RNF17: variants seen among roughly 807,000 people sequenced by gnomAD.
RNF17 encodes the protein ring finger protein 17.
RNF17 carries 31 observed loss-of-function variants against 200.5 expected under a neutral mutation model. That is an observed-to-expected ratio of 0.15 (90% CI 0.12 to 0.21). The LOEUF (loss-of-function observed/expected upper bound fraction) is 0.21, where lower values mean the gene tolerates loss of function less well. Among genes scored for constraint, RNF17 ranks in the 10% least tolerant of loss-of-function variants. RNF17 has a pLI of 1.00. For missense variants in RNF17, 1,628 were observed against 1,905.1 expected (o/e 0.85, Z 2.71); for synonymous variants, 606 against 637.8 (o/e 0.95, Z 0.75).
Position 24,779,702 on chromosome 13 carries a change from G to A in RNF17, c.465G>A (p.Leu155=). Residue 155 remains leucine, a synonymous_variant, in exon 5 of 36, where the codon TTG becomes TTA. Transcript: ENST00000255324. ...TNTAEEIDEA[L]NTAHHSFEQL... ...CTGCAGAAGAAATTGATGAAGCATTGAATACAGCACACCATAGTTTCGAAC... is the reference window on the plus strand; with the variant it reads ...CTGCAGAAGAAATTGATGAAGCATTAAATACAGCACACCATAGTTTCGAAC... 6.2e-7 allele frequency: 1 copy of A among 1,613,548 alleles called. No individual in the cohort carries two copies. The highest frequency in any genetic ancestry group is 8.5e-7 in the Non-Finnish European group (1 of 1,179,698).
chr13:24,882,005 G>T (rs1282611714), downstream of RNF17, among the ~76,000 whole-genome samples: 3 of 32,408 alleles, frequency 9.3e-5, 1 homozygote, highest in East Asian at 1.4e-3. Context: ...CATCTATATA[G>T]ATATATAGAT....
intron 9 of RNF17, 60 bp downstream of exon 9, chr13:24,789,832 A>G (rs1294034000): frequency 5.4e-6 from 5 of 924,266 alleles, no homozygotes; most frequent in Middle Eastern, 4.3e-4. Flanking sequence ...ACATTATCTA[A>G]GAGACAGAAG....
intron 15 of RNF17, among the ~76,000 whole-genome samples, chr13:24,815,817 G>A (rs1046937705): frequency 9.9e-5 from 15 of 152,076 alleles, no homozygotes; most frequent in Admixed American, 2.6e-4. Context: ...TGCAACAATT[G>A]AGATGATCAT....
At chr13:24,780,743 A>AGCAGTGATTAACC in intron 5 of RNF17, among the ~76,000 whole-genome samples, 1 of 152,106 alleles carries the variant, frequency 6.6e-6, no homozygotes, top group East Asian at 1.9e-4. Flanking sequence ...TTAGCCGGGC[A>AGCAGTGATTAACC]TGGTGGCACC....
chr13:24,859,065 G>A lies in RNF17; in HGVS notation c.3675G>A (p.Glu1225=), dbSNP rs575724873. 3.1e-6 allele frequency: 5 copies of A among 1,609,328 alleles called. No individual in the cohort carries two copies. In the South Asian group the frequency reaches 5.5e-5, roughly 18 times the overall value. The change falls in exon 26 of 36, where the codon GAG becomes GAA. Residue 1225 remains glutamate (E), a synonymous_variant. Transcript: ENST00000255324. The stretch of plus-strand genomic sequence containing the variant: ...ATTTAAAATGCCTTGGTCTTTTGGA[G>A]CCTTATTTCTGGAAAAAAGGAGAAG... ...QSNLKCLGLL[E]PYFWKKGEAC...
intron 25 of RNF17, among the ~76,000 whole-genome samples, chr13:24,857,950 G>C (rs942185136): frequency 2.0e-5 from 3 of 152,138 alleles, no homozygotes; most frequent in Non-Finnish European, 2.9e-5. Flanking sequence ...AATGAGAAAA[G>C]AAATCACAAC....
chr13:24,785,944 T>C (rs1883051636), intron 6 of RNF17, among the ~76,000 whole-genome samples: 1 of 152,164 alleles, frequency 6.6e-6, no homozygotes, highest in Non-Finnish European at 1.5e-5. Flanking sequence ...TGGCAGCATA[T>C]AGTTGGGTCA....
At chr13:24,851,997 A>G (rs1301057131) in intron 24 of RNF17, among the ~76,000 whole-genome samples, 1 of 152,178 alleles carries the variant, frequency 6.6e-6, no homozygotes, top group African/African-American at 2.4e-5. Context: ...ATGAAACAGG[A>G]TGAGTAGCAA....
intron 15 of RNF17, among the ~76,000 whole-genome samples, chr13:24,809,720 A>T (rs1236604491): frequency 1.3e-5 from 2 of 152,112 alleles, no homozygotes; most frequent in Non-Finnish European, 2.9e-5. Flanking sequence ...CTAGTTGTTT[A>T]AATTGTGATG....
chr13:24,809,514 A>G (rs1224374431), intron 15 of RNF17, among the ~76,000 whole-genome samples: 3 of 151,972 alleles, frequency 2.0e-5, no homozygotes, highest in Non-Finnish European at 2.9e-5. Context: ...TATTGCGTCT[A>G]TTTGATTCTT....
At chr13:24,806,891 A>G (rs1002208476) in intron 15 of RNF17, among the ~76,000 whole-genome samples, 3 of 149,456 alleles carry the variant, frequency 2.0e-5, no homozygotes, top group Non-Finnish European at 3.0e-5. Flanking sequence ...GAGTAAGAAT[A>G]TGCGGTGTTT....
intron 32 of RNF17, among the ~76,000 whole-genome samples, chr13:24,872,190 C>T (rs560482382): frequency 2.0e-5 from 3 of 149,884 alleles, no homozygotes; most frequent in Non-Finnish European, 4.4e-5. Context: ...GAACTCCTGA[C>T]CTCAGATGAT....
At chr13:24,884,497 T>C, downstream of RNF17, 1 of 1,612,402 alleles carries the variant, frequency 6.2e-7, no homozygotes, top group East Asian at 2.2e-5. Context: ...CACCTAAGAT[T>C]TTCTCCTGAC....
chr13:24,827,479 G>T (rs1340473917), intron 16 of RNF17, among the ~76,000 whole-genome samples: 3 of 151,942 alleles, frequency 2.0e-5, no homozygotes, highest in African/African-American at 4.8e-5. Context: ...TTGTGCTGCT[G>T]TAATAAAATA....
intron 15 of RNF17, among the ~76,000 whole-genome samples, chr13:24,811,592 C>T (rs944871727): frequency 6.6e-6 from 1 of 152,030 alleles, no homozygotes; most frequent in African/African-American, 2.4e-5. Flanking sequence ...TTTGAATGTC[C>T]TCCCGTAGCT....
intron 22 of RNF17, among the ~76,000 whole-genome samples, chr13:24,846,513 T>G (rs1214820782): frequency 1.3e-5 from 2 of 152,192 alleles, no homozygotes; most frequent in Non-Finnish European, 2.9e-5. Context: ...AGCTCTATCA[T>G]TAAGTCTACT....
chr13:24,805,066 G>C (rs1435371533), intron 15 of RNF17, among the ~76,000 whole-genome samples: 3 of 152,116 alleles, frequency 2.0e-5, no homozygotes, highest in African/African-American at 7.2e-5. Context: ...GGTAGAACCA[G>C]GATTGACCAA....
chr13:24,788,113 C>T lies in RNF17; in HGVS notation c.737C>T (p.Ala246Val). The stretch of plus-strand genomic sequence containing the variant: ...AATGCAGCTATGAACATAGCAAGAG[C>T]ATTACAATTATCGCCTTCTCTAAGA... ...NLNAAMNIAR[A>V]LQLSPSLRTY... The change falls in exon 7 of 36, where the codon GCA becomes GTA. Residue 246 changes from alanine (A) to valine (V), a missense_variant. Ala to Val is a moderately conservative substitution (Grantham distance 64, BLOSUM62 0). Coordinates refer to ENST00000255324, the MANE Select transcript of RNF17 (RefSeq NM_031277.3). 1 of 1,596,060 alleles carries T rather than the reference C, an allele frequency of 6.3e-7. No individual in the cohort carries two copies. The highest frequency in any genetic ancestry group is 8.5e-7 in the Non-Finnish European group (1 of 1,175,022).
intron 25 of RNF17, among the ~76,000 whole-genome samples, chr13:24,855,850 C>T (rs986966577): frequency 6.6e-5 from 10 of 152,122 alleles, no homozygotes; most frequent in Middle Eastern, 3.2e-3. Context: ...CTTCTTATGG[C>T]GTAAACATCA....
Sources: allele counts gnomAD v4.1 joint callset (sites outside exome capture counted in the v4.1 genomes callset), GRCh38; gene constraint gnomAD v4.1.1; transcripts MANE v1.5; gene names NCBI Gene and HGNC (gene_info 2026-07-23, HGNC 2026-07-21).